Variants in TXNRD1 observed in about 807,000 individuals in gnomAD.
TXNRD1 encodes the protein thioredoxin reductase 1.
In TXNRD1, 57 loss-of-function variants were observed where a neutral mutation model predicts 80.3. That is an observed-to-expected ratio of 0.71 (90% CI 0.57 to 0.89). TXNRD1 has a LOEUF of 0.89. TXNRD1 is among the 40% of genes least tolerant of loss of function. The pLI is 0.00. For missense variants in TXNRD1, 730 were observed against 803.0 expected (o/e 0.91, Z 1.10); for synonymous variants, 291 against 285.2 (o/e 1.02, Z -0.20).
intron 4 of TXNRD1, chr12:104,305,008 G>A: frequency 7.1e-7 from 1 of 1,414,936 alleles, no homozygotes; most frequent in Non-Finnish European, 9.5e-7. Context: ...GTAAACTGAA[G>A]CACATATTGT....
chr12:104,329,320 A>T lies in TXNRD1; in HGVS notation c.1542+1649A>T, dbSNP rs2035871568. On this transcript the variant is annotated intron_variant, in intron 13 of 16. Coordinates refer to ENST00000525566, the MANE Select transcript of TXNRD1 (RefSeq NM_001093771.3). ...TCATGTCTCAGTGGTTTCCTTAAAA[A>T]AAAAAGGCTAAAACATTGAATGGAG... Among the ~76,000 whole-genome samples, 4 of 152,068 alleles carry T rather than the reference A, an allele frequency of 2.6e-5. No individual in the cohort carries two copies. The South Asian group carries it at 8.3e-4, about 32-fold the overall frequency.
intron 4 of TXNRD1, chr12:104,304,509 TTCGCAAGA>T: frequency 6.2e-7 from 1 of 1,613,984 alleles, no homozygotes; most frequent in Admixed American, 1.7e-5. Context: ...CAGAAAAAAG[TTCGCAAGA>T]TGGAAGAAAA....
intron 3 of TXNRD1, among the ~76,000 whole-genome samples, chr12:104,261,313 G>A (rs964278687): frequency 2.0e-5 from 3 of 152,018 alleles, no homozygotes; most frequent in Admixed American, 6.6e-5. Context: ...ACAGGCATGC[G>A]CCACCACGGC....
chr12:104,248,908 C>T (rs916928716), intron 1 of TXNRD1, among the ~76,000 whole-genome samples: 8 of 152,140 alleles, frequency 5.3e-5, no homozygotes, highest in Non-Finnish European at 1.0e-4. Flanking sequence ...CAACCTCCCC[C>T]GCCCAGGTTC....
At chr12:104,289,857 C>G (rs985685965) in intron 4 of TXNRD1, among the ~76,000 whole-genome samples, 1 of 152,068 alleles carries the variant, frequency 6.6e-6, no homozygotes, top group Non-Finnish European at 1.5e-5. Flanking sequence ...CTCAGCCTCC[C>G]GAGTAGCTGA....
At chr12:104,326,316 A>G (rs778070693) in intron 11 of TXNRD1, 31 bp from the exon 12 acceptor site, 21 of 1,445,424 alleles carry the variant, frequency 1.5e-5, no homozygotes, top group Non-Finnish European at 1.8e-5. Flanking sequence ...CCTTTTTGTT[A>G]TTAGTCACTA....
chr12:104,224,850 A>G (rs1345733947), intron 1 of TXNRD1: 2 of 456,290 alleles, frequency 4.4e-6, no homozygotes. Context: ...TCTTTTATCT[A>G]CCTCTCTGCC....
chr12:104,226,127 G>A (rs906324702), intron 1 of TXNRD1, among the ~76,000 whole-genome samples: 4 of 152,104 alleles, frequency 2.6e-5, no homozygotes, highest in African/African-American at 9.7e-5. Flanking sequence ...TTGAACCCTG[G>A]AGGTGGAAGT....
chr12:104,310,213 A>G (rs10861190), intron 4 of TXNRD1: 637,879 of 1,183,610 alleles, frequency 0.54, 173,757 homozygotes, highest in East Asian at 0.6. Context: ...GCAGTGGCGC[A>G]ATCTTGGCTC....
chr12:104,245,517 CAAAAAA>C (rs10622971), intron 1 of TXNRD1, among the ~76,000 whole-genome samples: 25 of 29,258 alleles, frequency 8.5e-4, no homozygotes, highest in South Asian at 6.3e-3. Flanking sequence ...AACTCCATCT[CAAAAAA>C]AAAAAAAAAA....
At chr12:104,333,459 C>T (rs955505859) in intron 14 of TXNRD1, among the ~76,000 whole-genome samples, 7 of 150,240 alleles carry the variant, frequency 4.7e-5, no homozygotes, top group Non-Finnish European at 1.0e-4. Flanking sequence ...GGGGTGATTC[C>T]TTTAATTTTT....
chr12:104,251,267 A>G (rs940815382), intron 1 of TXNRD1, among the ~76,000 whole-genome samples: 2 of 152,094 alleles, frequency 1.3e-5, no homozygotes, highest in African/African-American at 4.8e-5. Flanking sequence ...GAAGGTTCTG[A>G]TTATGGCTTG....
intron 16 of TXNRD1, among the ~76,000 whole-genome samples, chr12:104,343,972 G>A (rs1275242287): frequency 5.3e-5 from 8 of 151,806 alleles, no homozygotes; most frequent in Non-Finnish European, 1.5e-5. Flanking sequence ...ATGTGGTGGT[G>A]CATACCTGTA....
At chr12:104,302,647 G>T (rs1334441461) in intron 4 of TXNRD1, among the ~76,000 whole-genome samples, 1 of 151,930 alleles carries the variant, frequency 6.6e-6, no homozygotes, top group Non-Finnish European at 1.5e-5. Flanking sequence ...CTGCCACCGC[G>T]CCCGGCTAAT....
chr12:104,293,763 G>C (rs560487942), intron 4 of TXNRD1, among the ~76,000 whole-genome samples: 6 of 152,320 alleles, frequency 3.9e-5, no homozygotes, highest in African/African-American at 1.2e-4. Context: ...AGAAAAGGCA[G>C]CTGGGCCCGG....
chr12:104,308,239 C>T (rs540219968), intron 4 of TXNRD1, among the ~76,000 whole-genome samples: 51 of 152,272 alleles, frequency 3.3e-4, no homozygotes, highest in Middle Eastern at 3.4e-3. Flanking sequence ...TCATGATCCA[C>T]CCGCCTTGGC....
chr12:104,319,223 G>A (rs1176565229), intron 8 of TXNRD1, among the ~76,000 whole-genome samples, 168 bp downstream of exon 8: 1 of 152,190 alleles, frequency 6.6e-6, no homozygotes, highest in African/African-American at 2.4e-5. Flanking sequence ...TTGTGTGGAG[G>A]TATGGTAAAG....
intron 1 of TXNRD1, among the ~76,000 whole-genome samples, chr12:104,239,881 A>G (rs1478068351): frequency 6.6e-6 from 1 of 152,162 alleles, no homozygotes; most frequent in African/African-American, 2.4e-5. Context: ...TGAATTTTTT[A>G]TACTGTTAAT....
At chr12:104,318,764 G>A (rs933823988) in intron 7 of TXNRD1, 149 bp from the exon 8 acceptor site, 70 of 606,762 alleles carry the variant, frequency 1.2e-4, no homozygotes, top group Non-Finnish European at 1.8e-4. Context: ...AGATGAAAAA[G>A]TGGCATATGT....
Sources: allele counts gnomAD v4.1 joint callset (sites outside exome capture counted in the v4.1 genomes callset), GRCh38; gene constraint gnomAD v4.1.1; transcripts MANE v1.5; gene names NCBI Gene and HGNC (gene_info 2026-07-23, HGNC 2026-07-21).